GJB6: variants seen among roughly 807,000 people sequenced by gnomAD.
The protein encoded by GJB6 is gap junction beta-6 protein.
Under a neutral mutation model 5.4 loss-of-function variants are expected in GJB6, and 5 were observed. The observed-to-expected ratio is 0.92, with a 90% CI of 0.48 to 1.93. The LOEUF (loss-of-function observed/expected upper bound fraction) is 1.93, where lower values mean the gene tolerates loss of function less well. Among genes scored for constraint, GJB6 ranks in the 30% most tolerant of loss-of-function variants. The probability of loss-of-function intolerance (pLI) is 0.01; values close to 1 mark genes in which losing one functional copy is unlikely to be tolerated. For missense variants in GJB6, 298 were observed against 326.9 expected, an observed-to-expected ratio of 0.91 and a Z score of 0.68; for synonymous variants, 136 against 129.6, an observed-to-expected ratio of 1.05 and a Z score of -0.34.
chr13:20,223,003 C>T lies in GJB6; in HGVS notation c.478G>A (p.Gly160Arg), dbSNP rs866019060. 2 of 1,614,128 alleles carry T rather than the reference C, an allele frequency of 1.2e-6. No homozygotes were observed. The highest frequency in any genetic ancestry group is 2.7e-5 in the African/African-American group (2 of 75,028). ...FMYVFYFLYN[G>R]YHLPWVLKCG... ...TTCAACACCCAGGGCAGGTGGTACCCATTGTAAAGGAAGTAAAACACATAC... is the reference window on the plus strand; with the variant it reads ...TTCAACACCCAGGGCAGGTGGTACCTATTGTAAAGGAAGTAAAACACATAC... The change falls in exon 5 of 5, where the codon GGG (glycine) becomes AGG (arginine). Residue 160 changes from glycine (G) to arginine (R), a missense_variant. By Grantham distance (125) the Gly-to-Arg change is moderately radical. Transcript: ENST00000647029.
chr13:20,223,175 G>T lies in GJB6; in HGVS notation c.306C>A (p.Thr102=). ...TCTCTCCTCGCCTGAACTTGCGAGT[G>T]GTTTCGTGCCTGTAGTAGGCCACAT... The part of the protein sequence containing the change: ...AMHVAYYRHE[T]TRKFRRGEKR... Residue 102 remains threonine, a synonymous_variant, in exon 5 of 5, where the codon ACC becomes ACA. Transcript: ENST00000647029. The T allele has an allele frequency of 6.2e-7, 1 of 1,613,414 alleles. No homozygotes were observed. Among genetic ancestry groups the T allele is most frequent in the Non-Finnish European group, 8.5e-7 (1 of 1,179,398 alleles).
Position 20,223,142 on chromosome 13 carries a change from A to T in GJB6, c.339T>A (p.Asn113Lys), listed in dbSNP as rs143766955. 4.9e-4 allele frequency: 790 copies of T among 1,613,996 alleles called. 4 individuals are homozygous for T. The African/African-American group carries it at 9.4e-3, about 19-fold the overall frequency. The part of the protein sequence containing the change: ...TRKFRRGEKR[N>K]DFKDIEDIKK... ...TAATGTCCTCTATGTCTTTGAAATC[A>T]TTCCTCTTCTCTCCTCGCCTGAACT... The change falls in exon 5 of 5, where the codon AAT (asparagine) becomes AAA (lysine). Residue 113 changes from asparagine to lysine, a missense_variant. Transcript: ENST00000647029.
chr13:20,222,719 A>G lies in GJB6; in HGVS notation c.762T>C (p.Asn254=). 6.2e-7 allele frequency: 1 copy of G among 1,614,114 alleles called. No homozygotes were observed. The highest frequency in any genetic ancestry group is 8.5e-7 in the Non-Finnish European group (1 of 1,179,980). Residue 254 remains asparagine, a synonymous_variant, in exon 5 of 5, where the codon AAT becomes AAC. Transcript: ENST00000647029. ...MNELISDSGQ[N]AITGFPS The stretch of plus-strand genomic sequence containing the variant: ...TTTAGCTTGGGAAACCTGTGATTGC[A>G]TTTTGACCACTATCTGAAATCAGCT...
intron 3 of GJB6, among the ~76,000 whole-genome samples, chr13:20,230,302 T>A (rs2137357560): frequency 6.6e-6 from 1 of 152,270 alleles, no homozygotes; most frequent in Non-Finnish European, 1.5e-5. Context: ...GTCTGTGGAG[T>A]CTAGATGTAA....
intron 4 of GJB6, among the ~76,000 whole-genome samples, chr13:20,227,512 C>T (rs181514479): frequency 6.6e-6 from 1 of 152,326 alleles, no homozygotes; most frequent in East Asian, 1.9e-4. Flanking sequence ...TGTGTCCTCT[C>T]TCCGAACCTG....
chr13:20,229,121 A>T (rs1208032560), intron 4 of GJB6, among the ~76,000 whole-genome samples: 1 of 63,880 alleles, frequency 1.6e-5, no homozygotes, highest in Non-Finnish European at 2.8e-5. Flanking sequence ...AATGTCATTT[A>T]GCAAAAAAAA....
At chr13:20,224,038 T>G (rs535042895) in intron 4 of GJB6, among the ~76,000 whole-genome samples, 112 of 152,280 alleles carry the variant, frequency 7.4e-4, no homozygotes, top group Non-Finnish European at 1.2e-3. Context: ...ATCATCTTGA[T>G]TCAACTAAAT....
At chr13:20,228,689 T>C (rs112824776) in intron 4 of GJB6, among the ~76,000 whole-genome samples, 2,185 of 38,548 alleles carry the variant, frequency 0.057, 136 homozygotes, top group East Asian at 0.51. Context: ...TTTCACCGTG[T>C]TAGCCAGGAT....
intron 4 of GJB6, among the ~76,000 whole-genome samples, chr13:20,228,467 GTT>G (rs1180726904): frequency 1.6e-4 from 23 of 141,864 alleles, no homozygotes; most frequent in African/African-American, 5.9e-4. Flanking sequence ...TTGTTTGTTT[GTT>G]TTTGTTTTTT....
At chr13:20,228,965 T>G (rs1455003000) in intron 4 of GJB6, among the ~76,000 whole-genome samples, 1 of 151,892 alleles carries the variant, frequency 6.6e-6, no homozygotes, top group Non-Finnish European at 1.5e-5. Flanking sequence ...TTCTTGATTG[T>G]TTTAAAACTT....
chr13:20,231,573 T>G (rs1870086498), intron 1 of GJB6, 68 bp from the exon 2 acceptor site: 1 of 152,238 alleles, frequency 6.6e-6, no homozygotes, highest in Admixed American at 6.5e-5. Flanking sequence ...TTTCACAAGT[T>G]TCTCGGAAGC....
At chr13:20,223,555 G>T in intron 4 of GJB6, 60 bp from the exon 5 acceptor site, 1 of 1,335,260 alleles carries the variant, frequency 7.5e-7, no homozygotes, top group South Asian at 1.2e-5. Flanking sequence ...AAAGTGACAC[G>T]GTGATATTAC....
At chr13:20,231,097 G>A (rs1282685296) in intron 2 of GJB6, 1 of 152,256 alleles carries the variant, frequency 6.6e-6, no homozygotes, top group Non-Finnish European at 1.5e-5. Context: ...CTCCACAGGA[G>A]CAGTTCTGAG....
intron 4 of GJB6, chr13:20,225,473 T>C (rs1869514432): frequency 1.3e-5 from 2 of 152,220 alleles, no homozygotes; most frequent in Admixed American, 6.5e-5. Flanking sequence ...GTTGTAACAC[T>C]ACTGTGAGTG....
intron 4 of GJB6, among the ~76,000 whole-genome samples, chr13:20,228,179 T>C (rs1265561501): frequency 6.6e-6 from 1 of 152,230 alleles, no homozygotes; most frequent in Admixed American, 6.5e-5. Flanking sequence ...GCAACTGTAG[T>C]AAACAAAGTA....
Position 20,222,801 on chromosome 13 carries a change from G to A in GJB6, c.680C>T (p.Thr227Met), listed in dbSNP as rs199790650. 178 of 1,613,660 alleles carry A rather than the reference G, an allele frequency of 1.1e-4. No homozygotes were observed. The highest frequency in any genetic ancestry group is 1.9e-4 in the African/African-American group (14 of 74,844). The part of the protein sequence containing the change: ...VCFRRSKRAQ[T>M]QKNHPNHALK... Reference sequence around the variant, plus strand: ...GGCATGATTGGGGTGATTTTTTTGCGTCTGTGCTCTCTTTGATCTCCTAAA... The same window carrying A: ...GGCATGATTGGGGTGATTTTTTTGCATCTGTGCTCTCTTTGATCTCCTAAA... The change falls in exon 5 of 5, where the codon ACG (threonine) becomes ATG (methionine). Residue 227 changes from threonine (T) to methionine (M), a missense_variant. Physicochemically the swap from Thr to Met is moderately conservative, Grantham distance 81 (BLOSUM62 -1). Transcript: ENST00000647029.
chr13:20,225,062 C>G (rs937684189), intron 4 of GJB6, among the ~76,000 whole-genome samples: 2 of 152,238 alleles, frequency 1.3e-5, no homozygotes, highest in African/African-American at 4.8e-5. Flanking sequence ...AAGGCAACAT[C>G]TTTTGTAGAC....
At position 20,222,437 on chromosome 13, in the gene GJB6, C is replaced by A. The variant is rs1417085752; in HGVS notation, c.*258G>T. On this transcript the variant is annotated 3_prime_UTR_variant, in exon 5 of 5. Coordinates refer to ENST00000647029, the MANE Select transcript of GJB6 (RefSeq NM_001110219.3). ...GAAAGTACCCACTTTGTCAGAGAGT[C>A]CACTTAAAAGGAACCTGTCAAAGTG... is the stretch of plus-strand genomic sequence containing the variant. 8.4e-6 allele frequency: 4 copies of A among 476,058 alleles called. No homozygotes were observed. The highest frequency in any genetic ancestry group is 1.5e-5 in the Non-Finnish European group (4 of 268,234). The allele number at this position is 476,058 out of a possible 1,614,324, so 29.5% of individuals were successfully genotyped here.
rs763108425 is a variant in GJB6, at chr13:20,223,175, G to C, written c.306C>G (p.Thr102=). Residue 102 remains threonine (T), a synonymous_variant, in exon 5 of 5, where the codon ACC becomes ACG. Coordinates refer to ENST00000647029, the MANE Select transcript of GJB6 (RefSeq NM_001110219.3). ...TCTCTCCTCGCCTGAACTTGCGAGT[G>C]GTTTCGTGCCTGTAGTAGGCCACAT... The part of the protein sequence containing the change: ...AMHVAYYRHE[T]TRKFRRGEKR... 1.2e-5 allele frequency: 20 copies of C among 1,613,296 alleles called. No homozygotes were observed. In the Admixed American group the frequency reaches 3.2e-4, roughly 26 times the overall value.
Sources: gnomAD v4.1 joint callset for allele counts (sites outside exome capture counted in the v4.1 genomes callset) on GRCh38, gnomAD v4.1.1 for gene constraint, MANE v1.5 for transcripts, NCBI Gene and HGNC (gene_info 2026-07-23, HGNC 2026-07-21) for gene names.